Variants in MRPS27 observed in about 807,000 individuals in gnomAD.
MRPS27 encodes mitochondrial ribosomal protein S27, also known as small ribosomal subunit protein mS27.
A neutral mutation model predicts 48.9 loss-of-function variants in MRPS27; 43 were observed. The ratio of observed to expected loss-of-function variants is 0.88; its 90% CI spans 0.69 to 1.13. The LOEUF (loss-of-function observed/expected upper bound fraction) is 1.13, where lower values mean the gene tolerates loss of function less well. Among genes scored for constraint, MRPS27 ranks in the 50% most tolerant of loss-of-function variants. The probability of loss-of-function intolerance (pLI) is 0.00; values close to 1 mark genes in which losing one functional copy is unlikely to be tolerated. For synonymous variants in MRPS27, 188 were observed against 171.9 expected (o/e 1.09, Z -0.73); for missense variants, 467 against 476.3 (o/e 0.98, Z 0.18).
chr5:72,237,158 T>C (rs1748217793), intron 5 of MRPS27, among the ~76,000 whole-genome samples: 1 of 152,142 alleles, frequency 6.6e-6, no homozygotes, highest in Non-Finnish European at 1.5e-5. Flanking sequence ...TTTACAAATA[T>C]TCTTGTGTGG....
chr5:72,255,693 C>T (rs566935402), intron 4 of MRPS27, among the ~76,000 whole-genome samples: 2 of 152,194 alleles, frequency 1.3e-5, no homozygotes, highest in South Asian at 4.2e-4. Flanking sequence ...GTATATTATC[C>T]ACACTTTACA....
intron 4 of MRPS27, among the ~76,000 whole-genome samples, chr5:72,256,821 G>A (rs1210474273): frequency 6.6e-6 from 1 of 152,210 alleles, no homozygotes; most frequent in African/African-American, 2.4e-5. Flanking sequence ...GATCTCCAGA[G>A]TAAGAGGAAA....
chr5:72,317,781 G>C (rs1009113730), intron 1 of MRPS27, among the ~76,000 whole-genome samples: 5 of 152,118 alleles, frequency 3.3e-5, no homozygotes, highest in Admixed American at 2.0e-4. Flanking sequence ...TTTGCCTCCA[G>C]GGTTCAAGCA....
chr5:72,232,190 C>G (rs1748080411), intron 7 of MRPS27, among the ~76,000 whole-genome samples: 1 of 152,156 alleles, frequency 6.6e-6, no homozygotes, highest in South Asian at 2.1e-4. Context: ...TGACCCATTT[C>G]TGAATGTCTG....
At chr5:72,251,495 A>G (rs190439198) in intron 4 of MRPS27, among the ~76,000 whole-genome samples, 3 of 152,252 alleles carry the variant, frequency 2.0e-5, no homozygotes, top group East Asian at 3.9e-4. Flanking sequence ...TTGCTCTTGG[A>G]CTGCTTTCCA....
At chr5:72,237,829 C>A (rs1481309422) in intron 5 of MRPS27, among the ~76,000 whole-genome samples, 185 bp downstream of exon 5, 2 of 151,944 alleles carry the variant, frequency 1.3e-5, no homozygotes, top group Admixed American at 1.3e-4. Flanking sequence ...GTAGCAGCTA[C>A]AGGATTTTTT....
rs1479344866 is a variant in MRPS27, at chr5:72,223,851, C to A, written c.838-1G>T. ...TCAGCACTGCACCCAGCACATCGAGCTGTGGAGCAGAAAGAGGGTCAGCAA... is the reference window on the plus strand; with the variant it reads ...TCAGCACTGCACCCAGCACATCGAGATGTGGAGCAGAAAGAGGGTCAGCAA... On this transcript the variant is annotated splice_acceptor_variant, in intron 9 of 10. Transcript: ENST00000261413. LOFTEE classifies it high-confidence loss of function. 6.2e-7 allele frequency: 1 copy of A among 1,613,074 alleles called. No individual in the cohort carries two copies. The highest frequency in any genetic ancestry group is 1.1e-5 in the South Asian group (1 of 91,012).
intron 4 of MRPS27, among the ~76,000 whole-genome samples, chr5:72,269,799 T>C (rs562278766): frequency 7.2e-5 from 11 of 152,322 alleles, no homozygotes; most frequent in African/African-American, 2.6e-4. Context: ...AGCATACATT[T>C]ACTGGAGGAA....
chr5:72,290,197 G>T (rs1181846005), intron 4 of MRPS27, among the ~76,000 whole-genome samples: 2 of 152,164 alleles, frequency 1.3e-5, no homozygotes, highest in Non-Finnish European at 2.9e-5. Context: ...ATGTGGACTT[G>T]GAGGTTATGG....
At chr5:72,278,187 A>T (rs1371917150) in intron 4 of MRPS27, among the ~76,000 whole-genome samples, 3 of 152,194 alleles carry the variant, frequency 2.0e-5, no homozygotes. Context: ...TCATGCCTGT[A>T]ATCCCAGCAC....
chr5:72,270,870 GA>G (rs1165074021), intron 4 of MRPS27, among the ~76,000 whole-genome samples: 9 of 152,078 alleles, frequency 5.9e-5, no homozygotes, highest in Non-Finnish European at 1.2e-4. Flanking sequence ...ATTATATTAA[GA>G]AAGTGAAAAA....
intron 4 of MRPS27, among the ~76,000 whole-genome samples, chr5:72,243,440 G>C (rs1180172937): frequency 6.6e-6 from 1 of 152,046 alleles, no homozygotes; most frequent in Non-Finnish European, 1.5e-5. Context: ...ATCAAATTTT[G>C]ATGAGATAAT....
intron 4 of MRPS27, among the ~76,000 whole-genome samples, chr5:72,271,283 G>C (rs1749235139): frequency 6.6e-6 from 1 of 152,158 alleles, no homozygotes; most frequent in African/African-American, 2.4e-5. Flanking sequence ...AGTTAATCAA[G>C]CTCTCAGAAT....
At chr5:72,268,589 T>TCA (rs1280516420) in intron 4 of MRPS27, among the ~76,000 whole-genome samples, 1 of 152,174 alleles carries the variant, frequency 6.6e-6, no homozygotes, top group Non-Finnish European at 1.5e-5. Context: ...AAGTGCTCCT[T>TCA]CAGGCTTAGA....
At chr5:72,255,288 T>A (rs543417385) in intron 4 of MRPS27, among the ~76,000 whole-genome samples, 2 of 152,196 alleles carry the variant, frequency 1.3e-5, no homozygotes, top group South Asian at 4.1e-4. Flanking sequence ...TGACCTCAGG[T>A]AATCCACCCG....
intron 5 of MRPS27, among the ~76,000 whole-genome samples, chr5:72,235,879 C>T (rs145740274): frequency 4.0e-4 from 61 of 152,216 alleles, no homozygotes; most frequent in African/African-American, 1.4e-3. Flanking sequence ...CTTTTAAAGA[C>T]TGGAACTTTT....
In MRPS27 at chr5:72,226,111, T is replaced by C. The variant is rs1388916456; in HGVS notation, c.783A>G (p.Gln261=). 1.2e-6 allele frequency: 2 copies of C among 1,613,846 alleles called. No individual in the cohort carries two copies. Among genetic ancestry groups the C allele is most frequent in the East Asian group, 4.5e-5 (2 of 44,854 alleles). ...GGGAGGCAGCCACTTTCTCCATCAC[T>C]TGAAGGGCTCTGTCAAGGTAGCCTG... The part of the protein sequence containing the change: ...WKPGYLDRAL[Q]VMEKVAASPE... Residue 261 remains glutamine (Q), a synonymous_variant, in exon 9 of 11, where the codon CAA becomes CAG. Transcript: ENST00000261413.
Position 72,307,665 on chromosome 5 carries a change from T to C in MRPS27, c.151+6416A>G, listed in dbSNP as rs1750309277. 2.1e-5 allele frequency among the ~76,000 whole-genome samples: 3 copies of C among 143,950 alleles called. No individual in the cohort carries two copies. In the South Asian group the frequency reaches 6.6e-4, roughly 32 times the overall value. The allele number at this position is 143,950 out of a possible 152,430, so 94.4% of individuals were successfully genotyped here. ...CCAAGGTGTCTACACCTTCAAATGTTAAAACACTAAAAAAAAAAAATCTGT... is the reference window on the plus strand; with the variant it reads ...CCAAGGTGTCTACACCTTCAAATGTCAAAACACTAAAAAAAAAAAATCTGT... On this transcript the variant is annotated intron_variant, in intron 2 of 10. Transcript: ENST00000261413.
At chr5:72,270,193 C>CAATAAT (rs66874536) in intron 4 of MRPS27, among the ~76,000 whole-genome samples, 3,297 of 140,282 alleles carry the variant, frequency 0.024, 72 homozygotes, top group African/African-American at 0.055. Flanking sequence ...AACTCCATCT[C>CAATAAT]AATAATAATA....
Sources: allele counts gnomAD v4.1 joint callset (sites outside exome capture counted in the v4.1 genomes callset), GRCh38; gene constraint gnomAD v4.1.1; transcripts MANE v1.5; gene names NCBI Gene and HGNC (gene_info 2026-07-23, HGNC 2026-07-21).